The following DOCK1 variants were observed in gnomAD, a reference collection of about 807,000 sequenced individuals.
The protein encoded by DOCK1 is dedicator of cytokinesis protein 1.
A neutral mutation model predicts 262.7 loss-of-function variants in DOCK1; 138 were observed. The ratio of observed to expected loss-of-function variants is 0.53; its 90% CI spans 0.46 to 0.61. The LOEUF is 0.61. DOCK1 is among the 20% of genes least tolerant of loss of function. The pLI, the probability that DOCK1 is intolerant of heterozygous loss-of-function variation, is 0.00. For synonymous variants in DOCK1, 866 were observed against 867.4 expected, an observed-to-expected ratio of 1.00 and a Z score of 0.03; for missense variants, 1,908 against 2,370.7, an observed-to-expected ratio of 0.80 and a Z score of 4.05.
intron 29 of DOCK1, among the ~76,000 whole-genome samples, chr10:127,326,394 C>G (rs2062749349): frequency 6.6e-6 from 1 of 152,198 alleles, no homozygotes; most frequent in Non-Finnish European, 1.5e-5. Flanking sequence ...ACAATGTTAT[C>G]AGAATCTTCA....
chr10:127,232,471 A>G (rs989898929), intron 27 of DOCK1, among the ~76,000 whole-genome samples: 1 of 152,148 alleles, frequency 6.6e-6, no homozygotes, highest in South Asian at 2.1e-4. Context: ...TCATGGCCTT[A>G]TAGGTCTGCG....
intron 27 of DOCK1, among the ~76,000 whole-genome samples, chr10:127,145,310 A>G (rs1592210749): frequency 6.6e-6 from 1 of 152,002 alleles, no homozygotes. Context: ...GAGGAAAGAC[A>G]CCCCATGACT....
intron 21 of DOCK1, among the ~76,000 whole-genome samples, 155 bp from the exon 22 acceptor site, chr10:127,052,525 CA>C (rs71490107): frequency 0.37 from 50,940 of 138,760 alleles, 7,880 homozygotes; most frequent in South Asian, 0.5. Context: ...CTGTCTCAAA[CA>C]AAAAAAAAAA....
intron 1 of DOCK1, among the ~76,000 whole-genome samples, chr10:126,934,230 G>A (rs1472080431): frequency 6.6e-6 from 1 of 152,156 alleles, no homozygotes; most frequent in Non-Finnish European, 1.5e-5. Context: ...AGTCTAAACA[G>A]GATCTAGATT....
At chr10:127,196,163 C>T (rs1479169141) in intron 27 of DOCK1, 2 of 151,138 alleles carry the variant, frequency 1.3e-5, no homozygotes, top group East Asian at 2.0e-4. Flanking sequence ...GGACTTGGCC[C>T]GCTGCGCGCC....
At chr10:127,411,537 C>A (rs893713435) in intron 43 of DOCK1, among the ~76,000 whole-genome samples, 1 of 152,166 alleles carries the variant, frequency 6.6e-6, no homozygotes, top group Admixed American at 6.5e-5. Flanking sequence ...CCAGTTGGGA[C>A]AACCAATCAA....
intron 1 of DOCK1, among the ~76,000 whole-genome samples, chr10:126,959,409 G>A (rs1183840349): frequency 1.3e-5 from 2 of 152,196 alleles, no homozygotes; most frequent in African/African-American, 4.8e-5. Context: ...GCCAGAGTCA[G>A]GTTGGAAAGT....
chr10:127,342,373 C>T (rs1408111647), intron 30 of DOCK1, among the ~76,000 whole-genome samples: 2 of 152,140 alleles, frequency 1.3e-5, no homozygotes, highest in African/African-American at 4.8e-5. Context: ...CCATTGTGGG[C>T]TCTGAGGTTG....
intron 1 of DOCK1, among the ~76,000 whole-genome samples, chr10:126,924,337 C>G (rs1339125710): frequency 8.5e-6 from 1 of 117,528 alleles, no homozygotes; most frequent in Non-Finnish European, 1.7e-5. Flanking sequence ...TAGGGGGAGG[C>G]TGTGAGTGCT....
intron 10 of DOCK1, 151 bp downstream of exon 10, chr10:127,000,458 T>C (rs921147496): frequency 1.2e-5 from 14 of 1,205,328 alleles, no homozygotes; most frequent in East Asian, 5.2e-5. Context: ...GTTATTTTCA[T>C]TGTGGCTTCA....
At chr10:127,285,147 TAAATC>T (rs1474043584) in intron 29 of DOCK1, among the ~76,000 whole-genome samples, 1 of 152,180 alleles carries the variant, frequency 6.6e-6, no homozygotes, top group Non-Finnish European at 1.5e-5. Context: ...ACATAAATAA[TAAATC>T]AATATCTGGC....
intron 27 of DOCK1, among the ~76,000 whole-genome samples, chr10:127,148,108 G>A (rs1471963048): frequency 6.6e-6 from 1 of 151,834 alleles, no homozygotes. Context: ...GTGAAAGCAT[G>A]GAGTACACAG....
At chr10:127,444,313 T>G in intron 50 of DOCK1, 34 bp downstream of exon 50, 1 of 1,552,930 alleles carries the variant, frequency 6.4e-7, no homozygotes. Context: ...CGAATCGTGC[T>G]ATAGCTCCGT....
chr10:127,220,927 T>C (rs1249571585), intron 27 of DOCK1, among the ~76,000 whole-genome samples: 3 of 152,224 alleles, frequency 2.0e-5, no homozygotes, highest in Non-Finnish European at 1.5e-5. Flanking sequence ...ATGCCGATGC[T>C]TTCAGCATCC....
At chr10:127,402,716 T>G in intron 38 of DOCK1, 1 of 535,934 alleles carries the variant, frequency 1.9e-6, no homozygotes, top group South Asian at 1.4e-5. Flanking sequence ...TTTCCCTGGC[T>G]CCAAGGCTGC....
intron 51 of DOCK1, 46 bp from the exon 52 acceptor site, chr10:127,451,286 C>T (rs762686488): frequency 1.3e-6 from 2 of 1,551,636 alleles, no homozygotes; most frequent in East Asian, 4.9e-5. Flanking sequence ...TCTTTTCTGT[C>T]AGGACATCAG....
At chr10:126,989,524 C>T (rs2039649226) in intron 5 of DOCK1, among the ~76,000 whole-genome samples, 1 of 151,974 alleles carries the variant, frequency 6.6e-6, no homozygotes, top group African/African-American at 2.4e-5. Context: ...ATGAGGTCTC[C>T]TTATGTTGCC....
At chr10:127,332,446 C>T (rs568229916) in intron 29 of DOCK1, among the ~76,000 whole-genome samples, 1 of 152,308 alleles carries the variant, frequency 6.6e-6, no homozygotes, top group African/African-American at 2.4e-5. Flanking sequence ...TTTGGCTTCC[C>T]TGCTCCTGAC....
chr10:127,233,200 G>A (rs981978712), intron 27 of DOCK1, among the ~76,000 whole-genome samples: 8 of 152,116 alleles, frequency 5.3e-5, no homozygotes, highest in African/African-American at 1.9e-4. Context: ...TAGAATTATG[G>A]TAGTCACCAG....
Sources: allele counts gnomAD v4.1 joint callset (sites outside exome capture counted in the v4.1 genomes callset), GRCh38; gene constraint gnomAD v4.1.1; transcripts MANE v1.5; gene names NCBI Gene and HGNC (gene_info 2026-07-23, HGNC 2026-07-21).